MBD5: variants seen among roughly 807,000 people sequenced by gnomAD.
The protein encoded by MBD5 is methyl-CpG-binding domain protein 5.
Under a neutral mutation model 117.3 loss-of-function variants are expected in MBD5, and 13 were observed. That is an observed-to-expected ratio of 0.11 (90% CI 0.07 to 0.18). The LOEUF is 0.18. Among genes scored for constraint, MBD5 ranks in the 10% least tolerant of loss-of-function variants. The pLI is 1.00. For synonymous variants in MBD5, 727 were observed against 766.4 expected (o/e 0.95, Z 0.85); for missense variants, 1,879 against 2,093.8 (o/e 0.90, Z 2.00).
intron 5 of MBD5, among the ~76,000 whole-genome samples, chr2:148,462,180 T>G (rs536663397): frequency 6.6e-6 from 1 of 152,258 alleles, no homozygotes; most frequent in East Asian, 1.9e-4. Context: ...GTTTCTAAAT[T>G]TCTGTTTTTC....
intron 2 of MBD5, among the ~76,000 whole-genome samples, chr2:148,231,207 T>C (rs920126608): frequency 5.3e-5 from 8 of 152,210 alleles, no homozygotes; most frequent in African/African-American, 1.9e-4. Context: ...CTGATGAGGC[T>C]TGCAGGAACT....
chr2:148,119,471 A>T (rs571539204), intron 1 of MBD5, among the ~76,000 whole-genome samples: 49 of 152,172 alleles, frequency 3.2e-4, no homozygotes, highest in Admixed American at 7.9e-4. Context: ...CACCTTCTTG[A>T]TGGTGTTCTA....
chr2:148,090,008 C>T (rs1372135323), intron 1 of MBD5, among the ~76,000 whole-genome samples: 1 of 151,794 alleles, frequency 6.6e-6, no homozygotes, highest in East Asian at 1.9e-4. Flanking sequence ...GGAGATACTA[C>T]AAACAATACC....
chr2:148,180,343 C>CATATATAT lies in MBD5; in HGVS notation c.-831+1561_-831+1568dup, dbSNP rs70992196. ...ATCCTTCTAGTAAAAAAAAATTATACATATATATATATATATATGTATATA... is the reference window on the plus strand; with the variant it reads ...ATCCTTCTAGTAAAAAAAAATTATACATATATATATATATATATATATATATGTATATA... On this transcript the variant is annotated intron_variant, in intron 2 of 13. Coordinates refer to ENST00000642680, the MANE Select transcript of MBD5 (RefSeq NM_001378120.1). Among the ~76,000 whole-genome samples, 125 of 105,540 alleles carry CATATATAT rather than the reference C, an allele frequency of 1.2e-3. 2 individuals are homozygous for CATATATAT. Among genetic ancestry groups the CATATATAT allele is most frequent in the South Asian group, 3.9e-3 (12 of 3,044 alleles). 69.2% of individuals were successfully genotyped at this position (105,540 alleles called of 152,430 possible).
chr2:148,103,367 A>T (rs543301996), intron 1 of MBD5, among the ~76,000 whole-genome samples: 1 of 152,308 alleles, frequency 6.6e-6, no homozygotes, highest in South Asian at 2.1e-4. Context: ...TTTAATATTT[A>T]CTGTAGTGTC....
chr2:148,040,931 T>C (rs1364623814), intron 1 of MBD5, among the ~76,000 whole-genome samples: 2 of 152,144 alleles, frequency 1.3e-5, no homozygotes, highest in Admixed American at 6.6e-5. Context: ...TGGTAGATGT[T>C]ATCTACCAGT....
rs1402071924 is a variant in MBD5 at position 148,049,538 on chromosome 2, AT to A, written c.-925+27860del. ...TCTGTGGGGGAGAAGGGTGGCTTTC[AT>A]TTTTTATTGAGGTAAAATCCACATA... is the stretch of plus-strand genomic sequence containing the variant. On this transcript the variant is annotated intron_variant, in intron 1 of 13. Transcript: ENST00000642680. Among the ~76,000 whole-genome samples the A allele has an allele frequency of 2.6e-5, 4 of 152,256 alleles. No homozygotes were observed. The East Asian group carries it at 5.8e-4, about 22-fold the overall frequency.
chr2:148,469,534 A>G lies in MBD5; in HGVS notation c.1591A>G (p.Asn531Asp), dbSNP rs757922781. The part of the protein sequence containing the change: ...IPNPLIAGIS[N>D]VLNTPSSAAF... ...TAACCCATTAATTGCTGGAATAAGT[A>G]ATGTACTAAATACCCCAAGCAGTGC... Residue 531 changes from asparagine to aspartate, a missense_variant, in exon 8 of 14, where the codon AAT becomes GAT. By Grantham distance (23) the Asn-to-Asp change is conservative. Transcript: ENST00000642680. 2.4e-5 allele frequency: 38 copies of G among 1,613,662 alleles called. No homozygotes were observed. The highest frequency in any genetic ancestry group is 6.7e-5 in the Admixed American group (4 of 59,976).
At chr2:148,486,591 C>T (rs1200992585) in intron 10 of MBD5, among the ~76,000 whole-genome samples, 3 of 151,972 alleles carry the variant, frequency 2.0e-5, no homozygotes, top group Admixed American at 6.6e-5. Flanking sequence ...TTTCCTAATA[C>T]ATATTAAATA....
At chr2:148,414,436 C>T (rs1705360201) in intron 4 of MBD5, among the ~76,000 whole-genome samples, 1 of 152,090 alleles carries the variant, frequency 6.6e-6, no homozygotes, top group African/African-American at 2.4e-5. Flanking sequence ...AATGTATATT[C>T]TGTTGTTTTC....
intron 1 of MBD5, among the ~76,000 whole-genome samples, chr2:148,060,155 A>AAAAAAAAAAAAC (rs1694989180): frequency 6.8e-6 from 1 of 146,598 alleles, no homozygotes; most frequent in South Asian, 2.2e-4. Flanking sequence ...AAAAAAAAAA[A>AAAAAAAAAAAAC]AAAAAAAGCC....
intron 1 of MBD5, among the ~76,000 whole-genome samples, chr2:148,069,742 A>G (rs1274588993): frequency 1.3e-5 from 2 of 152,174 alleles, no homozygotes; most frequent in African/African-American, 2.4e-5. Flanking sequence ...CTCTCTTTAC[A>G]TTGGCATAGC....
chr2:148,470,541 T>G (rs1680763111), intron 8 of MBD5, 80 bp downstream of exon 8: 1 of 1,121,550 alleles, frequency 8.9e-7, no homozygotes, highest in African/African-American at 1.6e-5. Flanking sequence ...AAATATTTAT[T>G]ATGATAAGAA....
intron 3 of MBD5, among the ~76,000 whole-genome samples, chr2:148,236,563 C>T (rs1700096208): frequency 6.6e-6 from 1 of 152,046 alleles, no homozygotes; most frequent in South Asian, 2.1e-4. Context: ...TAGGTCTCAA[C>T]AGCAAACGTA....
intron 8 of MBD5, chr2:148,470,696 T>G: frequency 1.9e-6 from 1 of 522,560 alleles, no homozygotes. Flanking sequence ...ATCTGTGTCA[T>G]TTTGAATATT....
chr2:148,174,368 G>A (rs1698331355), intron 1 of MBD5, among the ~76,000 whole-genome samples: 1 of 152,058 alleles, frequency 6.6e-6, no homozygotes, highest in Non-Finnish European at 1.5e-5. Context: ...GAAAACTTAG[G>A]GGGAAAACTG....
chr2:148,495,902 C>A (rs781372209), intron 11 of MBD5, among the ~76,000 whole-genome samples: 1 of 152,178 alleles, frequency 6.6e-6, no homozygotes, highest in Admixed American at 6.5e-5. Flanking sequence ...TGGAGCATAA[C>A]CAGAGACAAC....
rs978978383 is a variant in MBD5, at chr2:148,165,161, C to T, written c.-924-13539C>T. On this transcript the variant is annotated intron_variant, in intron 1 of 13. Transcript: ENST00000642680. ...GCTAAAAGATCCAATCTCTTTATTT[C>T]GTAGTTTGGAAGCAACACAGATCAC... 3.9e-5 allele frequency among the ~76,000 whole-genome samples: 6 copies of T among 152,058 alleles called. No individual in the cohort carries two copies. The South Asian group carries it at 6.2e-4, about 16-fold the overall frequency.
chr2:148,363,563 T>C (rs567576861), intron 4 of MBD5, among the ~76,000 whole-genome samples: 1 of 152,068 alleles, frequency 6.6e-6, no homozygotes, highest in East Asian at 1.9e-4. Context: ...GTTAGACAAA[T>C]TGCTAACTAA....
Sources: gnomAD v4.1 joint callset for allele counts (sites outside exome capture counted in the v4.1 genomes callset) on GRCh38, gnomAD v4.1.1 for gene constraint, MANE v1.5 for transcripts, NCBI Gene and HGNC (gene_info 2026-07-23, HGNC 2026-07-21) for gene names.